The following USP6NL variants were observed in gnomAD, a reference collection of about 807,000 sequenced individuals.
USP6NL encodes the protein USP6 N-terminal-like protein.
USP6NL carries 26 observed loss-of-function variants against 61.9 expected under a neutral mutation model. The observed-to-expected ratio is 0.42, with a 90% CI of 0.31 to 0.58. USP6NL has a LOEUF of 0.58. Ranked by LOEUF, USP6NL falls within the 20% of genes least tolerant of loss-of-function variation. USP6NL has a pLI of 0.16. For missense variants in USP6NL, 1,114 were observed against 1,034.3 expected (o/e 1.08, Z -1.06); for synonymous variants, 432 against 390.1 (o/e 1.11, Z -1.27).
In USP6NL at chr10:11,602,108, A is replaced by G. The variant is rs1163600896; in HGVS notation, c.-83-4391T>C. ...ACGTCCAAATAACAAGGGATTGACTACATTGTTAATTCACATTTAATAGAT... is the reference window on the plus strand; with the variant it reads ...ACGTCCAAATAACAAGGGATTGACTGCATTGTTAATTCACATTTAATAGAT... On this transcript the variant is annotated intron_variant, in intron 1 of 14. Transcript: ENST00000609104. The surrounding 1 kb of genome is among the most constrained non-coding windows in gnomAD (Gnocchi z 4.8). 6.6e-6 allele frequency among the ~76,000 whole-genome samples: 1 copy of G among 152,214 alleles called. No individual in the cohort carries two copies. Among genetic ancestry groups the G allele is most frequent in the Admixed American group, 6.5e-5 (1 of 15,274 alleles).
Position 11,496,427 on chromosome 10 carries a change from C to G in USP6NL, c.385-3199G>C, listed in dbSNP as rs1244886391. Among the ~76,000 whole-genome samples, 1 of 152,220 alleles carries G rather than the reference C, an allele frequency of 6.6e-6. No homozygotes were observed. Among genetic ancestry groups the G allele is most frequent in the Non-Finnish European group, 1.5e-5 (1 of 68,036 alleles). ...TTTGCTAAGTTTACTAAATGTCTGT[C>G]TGCATTCTCATTTTCCAAAACTGGT... On this transcript the variant is annotated intron_variant, in intron 7 of 14. Transcript: ENST00000609104. This position sits in a 1 kb window ranked among gnomAD's most constrained non-coding sequence, Gnocchi z 5.4.
chr10:11,606,453 A>G (rs915805477), intron 1 of USP6NL, among the ~76,000 whole-genome samples: 3 of 152,358 alleles, frequency 2.0e-5, no homozygotes, highest in East Asian at 1.9e-4. Context: ...AAATAATAAC[A>G]GCATAAAACA....
Position 11,513,102 on chromosome 10 carries a change from G to A in USP6NL, c.196-3427C>T, listed in dbSNP as rs1834796846. Among the ~76,000 whole-genome samples the A allele has an allele frequency of 2.0e-5, 3 of 152,068 alleles. No individual in the cohort carries two copies. Among genetic ancestry groups the A allele is most frequent in the African/African-American group, 7.2e-5 (3 of 41,388 alleles). The stretch of plus-strand genomic sequence containing the variant: ...GTTTTTATCACCTAAAACAGTGGTT[G>A]TTATATAAGAAAAGTTAAACATTTA... On this transcript the variant is annotated intron_variant, in intron 5 of 14. Transcript: ENST00000609104. The surrounding 1 kb of genome is among the most constrained non-coding windows in gnomAD (Gnocchi z 4.7).
At chr10:11,583,597 G>C (rs1837864021) in intron 2 of USP6NL, among the ~76,000 whole-genome samples, 1 of 152,164 alleles carries the variant, frequency 6.6e-6, no homozygotes, top group Non-Finnish European at 1.5e-5. Context: ...TGGAAGAAAA[G>C]AGATTTAGTC....
chr10:11,539,380 C>A (rs189364123), intron 2 of USP6NL, among the ~76,000 whole-genome samples: 2 of 152,214 alleles, frequency 1.3e-5, no homozygotes, highest in South Asian at 2.1e-4. Context: ...CAGTCTCCTG[C>A]GCCTTACTTC....
rs1463776415 is a variant in USP6NL, at chr10:11,595,238, A to G, written c.4+2393T>C. Among the ~76,000 whole-genome samples the G allele has an allele frequency of 6.6e-6, 1 of 152,198 alleles. No homozygotes were observed. Among genetic ancestry groups the G allele is most frequent in the African/African-American group, 2.4e-5 (1 of 41,444 alleles). On this transcript the variant is annotated intron_variant, in intron 2 of 14. Coordinates refer to ENST00000609104, the MANE Select transcript of USP6NL (RefSeq NM_014688.5). This position sits in a 1 kb window ranked among gnomAD's most constrained non-coding sequence, Gnocchi z 5.3. ...TCTGTAGATCAGACATCTAACAGGA[A>G]CATAAAGGGTGAGGCACACTGAAGG...
rs374118646 is a variant in USP6NL at position 11,463,992 on chromosome 10, T to C, written c.1079-143A>G. 18 of 826,196 alleles carry C rather than the reference T, an allele frequency of 2.2e-5. 1 individual carries two copies. In the African/African-American group the frequency reaches 2.4e-4, roughly 11 times the overall value. The allele number at this position is 826,196 out of a possible 1,614,324, so 51.2% of individuals were successfully genotyped here. On this transcript the variant is annotated intron_variant, in intron 14 of 14. Transcript: ENST00000609104. The surrounding 1 kb of genome is among the most constrained non-coding windows in gnomAD (Gnocchi z 6.3). ...CAACACACTGTCATACAACACACTG[T>C]TTATACCACTTACACACACTGTTTA...
intron 1 of USP6NL, among the ~76,000 whole-genome samples, chr10:11,601,977 C>T (rs569823634): frequency 2.0e-5 from 3 of 151,912 alleles, no homozygotes; most frequent in Non-Finnish European, 4.4e-5. Context: ...AACTGTCCTA[C>T]CCCCTAAAAA....
In USP6NL at chr10:11,525,896, A is replaced by G. The variant is rs747637918; in HGVS notation, c.73-428T>C. Among the ~76,000 whole-genome samples, 2 of 152,212 alleles carry G rather than the reference A, an allele frequency of 1.3e-5. No individual in the cohort carries two copies. Among genetic ancestry groups the G allele is most frequent in the Non-Finnish European group, 2.9e-5 (2 of 68,022 alleles). On this transcript the variant is annotated intron_variant, in intron 3 of 14. Transcript: ENST00000609104. This position sits in a 1 kb window ranked among gnomAD's most constrained non-coding sequence, Gnocchi z 5.0. ...AACTCCTTAGAGAAGCAGGCAGAGA[A>G]GCTCCTCGTCTAGTTCTTTACTTCA...
rs1281644563 is a variant in USP6NL, at chr10:11,499,187, A to T, written c.384+1914T>A. Among the ~76,000 whole-genome samples the T allele has an allele frequency of 2.0e-5, 3 of 152,148 alleles. No homozygotes were observed. Among genetic ancestry groups the T allele is most frequent in the Non-Finnish European group, 4.4e-5 (3 of 68,022 alleles). On this transcript the variant is annotated intron_variant, in intron 7 of 14. Transcript: ENST00000609104. The surrounding 1 kb of genome is among the most constrained non-coding windows in gnomAD (Gnocchi z 4.5). ...TGGAGGATGTGTGGAGAGAGAGAGA[A>T]AGAGTGGATGAGAAAGGAAAAAAAA...
At chr10:11,480,872 T>C (rs543893405) in intron 14 of USP6NL, among the ~76,000 whole-genome samples, 1 of 152,166 alleles carries the variant, frequency 6.6e-6, no homozygotes, top group Non-Finnish European at 1.5e-5. Context: ...ACCCATCCAC[T>C]GCAACAAAGG....
intron 2 of USP6NL, among the ~76,000 whole-genome samples, chr10:11,571,226 G>A (rs922062601): frequency 3.3e-5 from 5 of 151,950 alleles, no homozygotes; most frequent in African/African-American, 1.2e-4. Flanking sequence ...TGGGATTACA[G>A]GCATGCACCA....
At position 11,496,769 on chromosome 10, in the gene USP6NL, C is replaced by G. The variant is rs189847894; in HGVS notation, c.385-3541G>C. On this transcript the variant is annotated intron_variant, in intron 7 of 14. Coordinates refer to ENST00000609104, the MANE Select transcript of USP6NL (RefSeq NM_014688.5). The surrounding 1 kb of genome is among the most constrained non-coding windows in gnomAD (Gnocchi z 5.4). ...TGGAAAGAAGGTTATCTGGGGATGTCTATTATAAGGCTATCTGGGCATGTC... is the reference window on the plus strand; with the variant it reads ...TGGAAAGAAGGTTATCTGGGGATGTGTATTATAAGGCTATCTGGGCATGTC... Among the ~76,000 whole-genome samples the G allele has an allele frequency of 2.0e-5, 3 of 152,148 alleles. No homozygotes were observed. In the East Asian group the frequency reaches 5.8e-4, roughly 29 times the overall value.
At position 11,462,351 on chromosome 10, in the gene USP6NL, A is replaced by T; in HGVS notation, c.*90T>A. On this transcript the variant is annotated 3_prime_UTR_variant, in exon 15 of 15. Coordinates refer to ENST00000609104, the MANE Select transcript of USP6NL (RefSeq NM_014688.5). Reference sequence around the variant, plus strand: ...AGGAGAGATGTGCGAGTTGTTTACAATAGTATAAATACTGCTTTGGCAATT... The same window carrying T: ...AGGAGAGATGTGCGAGTTGTTTACATTAGTATAAATACTGCTTTGGCAATT... The T allele has an allele frequency of 1.4e-6, 2 of 1,412,820 alleles. No homozygotes were observed. Among genetic ancestry groups the T allele is most frequent in the Non-Finnish European group, 1.9e-6 (2 of 1,055,126 alleles). The allele number at this position is 1,412,820 out of a possible 1,614,324, so 87.5% of individuals were successfully genotyped here.
rs1184427925 is a variant in USP6NL at position 11,595,992 on chromosome 10, T to C, written c.4+1639A>G. Among the ~76,000 whole-genome samples the C allele has an allele frequency of 6.6e-6, 1 of 152,198 alleles. No homozygotes were observed. Among genetic ancestry groups the C allele is most frequent in the African/African-American group, 2.4e-5 (1 of 41,452 alleles). ...ACACTATTAGTTGCTTGGCAAGCCA[T>C]TCCTCCCCTCTGCCTTCATCCTCGC... is the stretch of plus-strand genomic sequence containing the variant. On this transcript the variant is annotated intron_variant, in intron 2 of 14. Coordinates refer to ENST00000609104, the MANE Select transcript of USP6NL (RefSeq NM_014688.5). The surrounding 1 kb of genome is among the most constrained non-coding windows in gnomAD (Gnocchi z 5.3).
intron 2 of USP6NL, chr10:11,565,583 A>C (rs1385848092): frequency 5.9e-5 from 9 of 151,970 alleles, no homozygotes; most frequent in Non-Finnish European, 1.3e-4. Flanking sequence ...CGGAGCTTGC[A>C]GTGAGCCGAG....
rs777117462 is a variant in USP6NL at position 11,496,185 on chromosome 10, G to A, written c.385-2957C>T. 2.6e-5 allele frequency among the ~76,000 whole-genome samples: 4 copies of A among 152,156 alleles called. No homozygotes were observed. The highest frequency in any genetic ancestry group is 9.7e-5 in the African/African-American group (4 of 41,436). On this transcript the variant is annotated intron_variant, in intron 7 of 14. Coordinates refer to ENST00000609104, the MANE Select transcript of USP6NL (RefSeq NM_014688.5). The surrounding 1 kb of genome is among the most constrained non-coding windows in gnomAD (Gnocchi z 5.4). ...TCCAGAGGCCCTCTGTTTCATCCTC[G>A]CCAAATAACAAACCTCCAGTCTTGG...
rs1591915183 is a variant in USP6NL, at chr10:11,548,311, T to C, written c.5-20744A>G. ...GTTTGGTGGGAGAACAGCAGCACTA[T>C]TACCTCCTTTGATCTGCAAACAAAT... On this transcript the variant is annotated intron_variant, in intron 2 of 14. Transcript: ENST00000609104. This position sits in a 1 kb window ranked among gnomAD's most constrained non-coding sequence, Gnocchi z 4.3. Among the ~76,000 whole-genome samples, 1 of 152,340 alleles carries C rather than the reference T, an allele frequency of 6.6e-6. No individual in the cohort carries two copies. The highest frequency in any genetic ancestry group is 1.5e-5 in the Non-Finnish European group (1 of 68,024).
At chr10:11,567,955 T>G (rs1412841914) in intron 2 of USP6NL, among the ~76,000 whole-genome samples, 1 of 151,906 alleles carries the variant, frequency 6.6e-6, no homozygotes, top group Non-Finnish European at 1.5e-5. Context: ...GACCTCTGTC[T>G]GTCTGATTAA....
Sources: gnomAD v4.1 joint callset for allele counts (sites outside exome capture counted in the v4.1 genomes callset) on GRCh38, gnomAD v4.1.1 for gene constraint, Gnocchi (gnomAD v3.1) non-coding constraint, MANE v1.5 for transcripts, NCBI Gene and HGNC (gene_info 2026-07-23, HGNC 2026-07-21) for gene names.